ADK: variants seen among roughly 807,000 people sequenced by gnomAD.
ADK encodes the protein adenosine kinase.
In ADK, 24 loss-of-function variants were observed where a neutral mutation model predicts 44.7. That is an observed-to-expected ratio of 0.54 (90% CI 0.39 to 0.76). ADK has a LOEUF of 0.76. ADK is among the 30% of genes least tolerant of loss of function. The pLI, the probability that ADK is intolerant of heterozygous loss-of-function variation, is 0.00. For missense variants in ADK, 321 were observed against 425.1 expected (o/e 0.76, Z 2.15); for synonymous variants, 128 against 142.6 (o/e 0.90, Z 0.73).
chr10:74,328,623 G>A (rs1592053758), intron 4 of ADK, among the ~76,000 whole-genome samples: 1 of 152,226 alleles, frequency 6.6e-6, no homozygotes, highest in East Asian at 1.9e-4. Flanking sequence ...TAGTGAGTAA[G>A]TTCTTACAAA....
intron 10 of ADK, among the ~76,000 whole-genome samples, chr10:74,672,945 A>C (rs1367067368): frequency 6.6e-6 from 1 of 152,204 alleles, no homozygotes; most frequent in African/African-American, 2.4e-5. Context: ...GTCTGGCTCC[A>C]AAGTCAGTGC....
intron 3 of ADK, among the ~76,000 whole-genome samples, chr10:74,288,286 G>T (rs770760309): frequency 6.6e-6 from 1 of 152,154 alleles, no homozygotes; most frequent in Non-Finnish European, 1.5e-5. Flanking sequence ...ATGAGACAAG[G>T]TAGTTGCCTA....
chr10:74,681,298 A>G (rs1855590284), intron 10 of ADK, among the ~76,000 whole-genome samples: 2 of 152,230 alleles, frequency 1.3e-5, no homozygotes, highest in Admixed American at 6.5e-5. Flanking sequence ...AAAATTAAAA[A>G]TGTTTTTAAG....
At chr10:74,672,198 G>T (rs1037114975) in intron 10 of ADK, among the ~76,000 whole-genome samples, 1 of 152,120 alleles carries the variant, frequency 6.6e-6, no homozygotes. Flanking sequence ...ATCCACAGTC[G>T]TCTTTTTTAA....
chr10:74,410,835 C>T (rs1206841214), intron 6 of ADK, among the ~76,000 whole-genome samples: 1 of 152,044 alleles, frequency 6.6e-6, no homozygotes, highest in Non-Finnish European at 1.5e-5. Context: ...ATAATTTAAG[C>T]TAGTCTGTGA....
intron 6 of ADK, among the ~76,000 whole-genome samples, chr10:74,438,681 G>A (rs371702380): frequency 4.0e-5 from 6 of 151,898 alleles, no homozygotes; most frequent in Admixed American, 3.9e-4. Flanking sequence ...ATTCATTGAT[G>A]GTGTTCTCTC....
In ADK at chr10:74,667,425, C is replaced by A. The variant is rs566730782; in HGVS notation, c.878-2758C>A. ...CATATGAAAACTAAGGATAAAGTAT[C>A]TCAATGATGTGTGTGTGTGTATATA... On this transcript the variant is annotated intron_variant, in intron 9 of 10. Transcript: ENST00000539909. Among the ~76,000 whole-genome samples, 13 of 151,378 alleles carry A rather than the reference C, an allele frequency of 8.6e-5. 1 individual carries two copies. The South Asian group carries it at 2.7e-3, about 32-fold the overall frequency.
At chr10:74,603,566 T>C (rs1301645512) in intron 9 of ADK, among the ~76,000 whole-genome samples, 4 of 152,214 alleles carry the variant, frequency 2.6e-5, no homozygotes, top group African/African-American at 9.7e-5. Flanking sequence ...GCTTCATCCA[T>C]GTCCCTGCAA....
chr10:74,589,050 A>G (rs1851623340), intron 7 of ADK, among the ~76,000 whole-genome samples: 1 of 152,168 alleles, frequency 6.6e-6, no homozygotes, highest in African/African-American at 2.4e-5. Flanking sequence ...AACATGTACT[A>G]CATCTTCTTT....
intron 4 of ADK, among the ~76,000 whole-genome samples, chr10:74,370,841 TGG>T (rs1350042756): frequency 9.2e-5 from 14 of 152,276 alleles, no homozygotes; most frequent in Non-Finnish European, 1.9e-4. Context: ...CCAAAAGTGC[TGG>T]GATTATAGAT....
intron 7 of ADK, among the ~76,000 whole-genome samples, chr10:74,556,939 C>G (rs1377004558): frequency 1.3e-5 from 2 of 152,162 alleles, no homozygotes; most frequent in Non-Finnish European, 2.9e-5. Context: ...GAACATACCC[C>G]TCTTACTGTG....
intron 10 of ADK, among the ~76,000 whole-genome samples, chr10:74,680,180 TG>T (rs1208831383): frequency 6.6e-6 from 1 of 151,826 alleles, no homozygotes; most frequent in Non-Finnish European, 1.5e-5. Context: ...CTGAGTGTGG[TG>T]GCAGACGCCT....
In ADK at chr10:74,580,358, T is replaced by C. The variant is rs1851332220; in HGVS notation, c.727-8924T>C. Among the ~76,000 whole-genome samples, 4 of 152,046 alleles carry C rather than the reference T, an allele frequency of 2.6e-5. No individual in the cohort carries two copies. In the South Asian group the frequency reaches 6.2e-4, roughly 24 times the overall value. The stretch of plus-strand genomic sequence containing the variant: ...TGGGAGTCCAAGGCAGGTGGATCAC[T>C]TGAGGTCAGGAATTCAAAACCAGCT... On this transcript the variant is annotated intron_variant, in intron 7 of 10. Coordinates refer to ENST00000539909, the MANE Select transcript of ADK (RefSeq NM_006721.4).
At chr10:74,323,616 G>A (rs1278491085) in intron 4 of ADK, among the ~76,000 whole-genome samples, 1 of 151,088 alleles carries the variant, frequency 6.6e-6, no homozygotes, top group Non-Finnish European at 1.5e-5. Flanking sequence ...TGTCGTCCAG[G>A]CTGGAGTGCA....
intron 6 of ADK, among the ~76,000 whole-genome samples, chr10:74,474,521 CT>C (rs1846746775): frequency 2.0e-5 from 3 of 147,168 alleles, no homozygotes; most frequent in Non-Finnish European, 3.0e-5. Context: ...CTTCCCTTCC[CT>C]TTCTTTCCTT....
At chr10:74,169,950 T>C (rs1842116892) in intron 1 of ADK, among the ~76,000 whole-genome samples, 1 of 152,180 alleles carries the variant, frequency 6.6e-6, no homozygotes, top group African/African-American at 2.4e-5. Context: ...AAAGAGGTAA[T>C]GATTTGTCAA....
intron 4 of ADK, among the ~76,000 whole-genome samples, chr10:74,377,559 C>A (rs1842853301): frequency 6.6e-6 from 1 of 152,150 alleles, no homozygotes; most frequent in South Asian, 2.1e-4. Flanking sequence ...CTCAAAGGTG[C>A]TTTGTGCACA....
chr10:74,294,883 T>A (rs1839755039), intron 3 of ADK, among the ~76,000 whole-genome samples: 1 of 151,894 alleles, frequency 6.6e-6, no homozygotes, highest in South Asian at 2.1e-4. Context: ...TGAGACAGGG[T>A]CTTGCTCCGT....
chr10:74,232,479 A>G (rs1422615791), intron 3 of ADK, among the ~76,000 whole-genome samples: 2 of 151,470 alleles, frequency 1.3e-5, no homozygotes, highest in Admixed American at 1.3e-4. Flanking sequence ...CAAAGATTGC[A>G]CAACTGCACT....
Sources: gnomAD v4.1 joint callset for allele counts (sites outside exome capture counted in the v4.1 genomes callset) on GRCh38, gnomAD v4.1.1 for gene constraint, MANE v1.5 for transcripts, NCBI Gene and HGNC (gene_info 2026-07-23, HGNC 2026-07-21) for gene names.